EVI5L: variants seen among roughly 807,000 people sequenced by gnomAD.
The protein encoded by EVI5L is ecotropic viral integration site 5 like.
EVI5L carries 30 observed loss-of-function variants against 106.1 expected under a neutral mutation model. The observed-to-expected ratio is 0.28, with a 90% CI of 0.21 to 0.38. The LOEUF (loss-of-function observed/expected upper bound fraction) is 0.38. Among genes scored for constraint, EVI5L ranks in the 10% least tolerant of loss-of-function variants. EVI5L has a pLI of 1.00. For missense variants in EVI5L, 809 were observed against 1,098.0 expected (o/e 0.74, Z 3.72); for synonymous variants, 489 against 483.3 (o/e 1.01, Z -0.15).
chr19:7,841,063 A>C (rs1978579626), intron 1 of EVI5L, among the ~76,000 whole-genome samples: 1 of 151,968 alleles, frequency 6.6e-6, no homozygotes, highest in South Asian at 2.1e-4. Context: ...CATTTATCTC[A>C]ATCTGTGAAG....
At position 7,854,141 on chromosome 19, in the gene EVI5L, G is replaced by T. The variant is rs561215920; in HGVS notation, c.1146+808G>T. Among the ~76,000 whole-genome samples the T allele has an allele frequency of 5.3e-5, 8 of 151,900 alleles. No individual in the cohort carries two copies. The South Asian group carries it at 1.7e-3, about 32-fold the overall frequency. ...TATTAAAAATACAAAAATTAGCTGG[G>T]TGTGGTAGCACACACCTGTAATCCT... On this transcript the variant is annotated intron_variant, in intron 10 of 19. Transcript: ENST00000538904.
Position 7,850,632 on chromosome 19 carries a change from G to A in EVI5L, c.753+510G>A, listed in dbSNP as rs980079797. ...ACACGCAGACACACACACACACACC[G>A]GCCCGCCTCAGCTGCCATGGCAGGT... On this transcript the variant is annotated intron_variant, in intron 6 of 19. Coordinates refer to ENST00000538904, the MANE Select transcript of EVI5L (RefSeq NM_001159944.3). This position sits in a 1 kb window ranked among gnomAD's most constrained non-coding sequence, Gnocchi z 5.4. Among the ~76,000 whole-genome samples, 4 of 152,114 alleles carry A rather than the reference G, an allele frequency of 2.6e-5. No individual in the cohort carries two copies. Among genetic ancestry groups the A allele is most frequent in the African/African-American group, 4.8e-5 (2 of 41,472 alleles).
intron 17 of EVI5L, 129 bp downstream of exon 17, chr19:7,862,663 GC>G: frequency 1.6e-6 from 1 of 638,682 alleles, no homozygotes; most frequent in Non-Finnish European, 2.0e-6. Context: ...CGGTCCTCCC[GC>G]CCCCGCCCGC....
Position 7,856,547 on chromosome 19 carries a change from G to T in EVI5L, c.1200+479G>T, listed in dbSNP as rs1294982881. On this transcript the variant is annotated intron_variant, in intron 11 of 19. Transcript: ENST00000538904. The surrounding 1 kb of genome is among the most constrained non-coding windows in gnomAD (Gnocchi z 6.6). ...TGCTCCCCAACATGCTAAAGATGGGGGTGGAATTGGGGGCTCACTGAGCCC... is the reference window on the plus strand; with the variant it reads ...TGCTCCCCAACATGCTAAAGATGGGTGTGGAATTGGGGGCTCACTGAGCCC... 6.6e-6 allele frequency among the ~76,000 whole-genome samples: 1 copy of T among 151,968 alleles called. No homozygotes were observed. Among genetic ancestry groups the T allele is most frequent in the African/African-American group, 2.4e-5 (1 of 41,380 alleles).
rs1011484202 is a variant in EVI5L, at chr19:7,845,190, C to T, written c.-47-1306C>T. On this transcript the variant is annotated intron_variant, in intron 1 of 19. Coordinates refer to ENST00000538904, the MANE Select transcript of EVI5L (RefSeq NM_001159944.3). This position sits in a 1 kb window ranked among gnomAD's most constrained non-coding sequence, Gnocchi z 4.0. ...GCTACAGAGCGTGCCGGGCAGTGGGCGGGCATGAGGAGCCGTGCAAATAAG... is the reference window on the plus strand; with the variant it reads ...GCTACAGAGCGTGCCGGGCAGTGGGTGGGCATGAGGAGCCGTGCAAATAAG... Among the ~76,000 whole-genome samples the T allele has an allele frequency of 1.3e-5, 2 of 152,116 alleles. No homozygotes were observed. Among genetic ancestry groups the T allele is most frequent in the African/African-American group, 2.4e-5 (1 of 41,430 alleles).
At chr19:7,837,101 C>T (rs577303721) in intron 1 of EVI5L, among the ~76,000 whole-genome samples, 7 of 151,146 alleles carry the variant, frequency 4.6e-5, no homozygotes, top group Admixed American at 1.3e-4. Context: ...GAGGCTGAGG[C>T]GGGCGGATCA....
Position 7,856,031 on chromosome 19 carries a change from A to G in EVI5L, c.1163A>G (p.Asn388Ser). 1 of 1,328,824 alleles carries G rather than the reference A, an allele frequency of 7.5e-7. No homozygotes were observed. 82.3% of individuals were successfully genotyped at this position (1,328,824 alleles called of 1,614,324 possible). ...QIEIKRLRTE[N>S]RLLKQRIETL... ...CCCCCATAGAGACTTCGGACGGAGA[A>G]CCGGCTCCTGAAACAGCGGATTGAA... is the stretch of plus-strand genomic sequence containing the variant. Residue 388 changes from asparagine to serine, a missense_variant, in exon 11 of 20, where the codon AAC (asparagine) becomes AGC (serine). Physicochemically the swap from Asn to Ser is conservative, Grantham distance 46. This residue lies in a region of EVI5L where 357 missense variants were observed against 588.1 expected (regional missense o/e 0.61). Coordinates refer to ENST00000538904, the MANE Select transcript of EVI5L (RefSeq NM_001159944.3). The surrounding 1 kb of genome is among the most constrained non-coding windows in gnomAD (Gnocchi z 6.6).
rs765987593 is a variant in EVI5L, at chr19:7,846,547, C to T, written c.5C>T (p.Ala2Val). The change falls in exon 2 of 20, where the codon GCG becomes GTG. Residue 2 changes from alanine to valine, a missense_variant. Around this residue, in one of 2 missense-constraint regions of EVI5L, gnomAD observed 357 missense variants for 588.1 expected, o/e 0.61. Coordinates refer to ENST00000538904, the MANE Select transcript of EVI5L (RefSeq NM_001159944.3). M[A>V]SPTLSPDSSS... ...CGGCTAACAAGCCCACCCACCATGG[C>T]GAGCCCCACTCTGAGCCCCGACTCC... The T allele has an allele frequency of 1.9e-5, 31 of 1,608,278 alleles. No individual in the cohort carries two copies. Among genetic ancestry groups the T allele is most frequent in the South Asian group, 1.1e-5 (1 of 90,590 alleles).
chr19:7,842,130 ATG>A, intron 1 of EVI5L, among the ~76,000 whole-genome samples: 1 of 152,072 alleles, frequency 6.6e-6, no homozygotes, highest in Non-Finnish European at 1.5e-5. Context: ...GAGTGTGTGA[ATG>A]TATGTCATGT....
At chr19:7,862,944 T>G (rs1402931525) in intron 17 of EVI5L, 28 bp from the exon 18 acceptor site, 2 of 832,074 alleles carry the variant, frequency 2.4e-6, no homozygotes, top group Non-Finnish European at 3.7e-6. Context: ...TGACCCGCCC[T>G]CCTTTCCCCC....
chr19:7,841,274 C>T (rs1978588911), intron 1 of EVI5L, among the ~76,000 whole-genome samples: 1 of 152,000 alleles, frequency 6.6e-6, no homozygotes, highest in African/African-American at 2.4e-5. Context: ...GTCATTTAAG[C>T]CCCAAGAATG....
intron 8 of EVI5L, among the ~76,000 whole-genome samples, chr19:7,852,435 G>A (rs919228250): frequency 7.9e-5 from 12 of 152,112 alleles, no homozygotes; most frequent in African/African-American, 2.9e-4. Flanking sequence ...GCACAGGCCC[G>A]AGGCCCCCGG....
In EVI5L at chr19:7,863,589, C is replaced by A. The variant is rs1307212342; in HGVS notation, c.2305C>A (p.Arg769Ser). The A allele has an allele frequency of 3.2e-6, 5 of 1,585,638 alleles. No individual in the cohort carries two copies. The East Asian group carries it at 6.9e-5, about 22-fold the overall frequency. The change falls in exon 20 of 20, where the codon CGC becomes AGC. Residue 769 changes from arginine (R) to serine (S), a missense_variant. Coordinates refer to ENST00000538904, the MANE Select transcript of EVI5L (RefSeq NM_001159944.3). This position sits in a 1 kb window ranked among gnomAD's most constrained non-coding sequence, Gnocchi z 7.7. ...LQDALYPLSP[R>S]DARFFRRLER... ...GGACGCATTGTACCCTCTGTCCCCG[C>A]GCGATGCGCGCTTCTTCCGCCGTCT...
At chr19:7,852,119 C>A (rs12973105) in intron 8 of EVI5L, among the ~76,000 whole-genome samples, 2 of 152,028 alleles carry the variant, frequency 1.3e-5, no homozygotes, top group African/African-American at 2.4e-5. Flanking sequence ...GCATCCCCAC[C>A]CTGCCGCCCA....
In EVI5L at chr19:7,863,636, C is replaced by T; in HGVS notation, c.2352C>T (p.Ser784=). 6.5e-7 allele frequency: 1 copy of T among 1,547,924 alleles called. No homozygotes were observed. ...GTCTGGAGCGGCCGGCCAAGGACAG[C>T]GAGGGCAGCTCAGACAGCGACGCCG... ...FRRLERPAKD[S]EGSSDSDADE... is the part of the protein sequence containing the mutation. Residue 784 remains serine (S), a synonymous_variant, in exon 20 of 20, where the codon AGC becomes AGT. Coordinates refer to ENST00000538904, the MANE Select transcript of EVI5L (RefSeq NM_001159944.3). The surrounding 1 kb of genome is among the most constrained non-coding windows in gnomAD (Gnocchi z 7.7).
chr19:7,862,899 G>C, intron 17 of EVI5L, 73 bp from the exon 18 acceptor site: 1 of 1,114,668 alleles, frequency 9.0e-7, no homozygotes. Flanking sequence ...ATTCGCCCCT[G>C]CCCGCGGTCC....
At position 7,863,553 on chromosome 19, in the gene EVI5L, G is replaced by A. The variant is rs1979964116; in HGVS notation, c.2269G>A (p.Ala757Thr). The A allele has an allele frequency of 1.2e-5, 19 of 1,599,894 alleles. No individual in the cohort carries two copies. The highest frequency in any genetic ancestry group is 1.6e-5 in the Non-Finnish European group (19 of 1,174,256). ...GGAGCTACTTGGCGTAGGCGTGGGC[G>A]CTGCCCTGCAGGACGCATTGTACCC... ...DEELLGVGVG[A>T]ALQDALYPLS... The change falls in exon 20 of 20, where the codon GCT becomes ACT. Residue 757 changes from alanine (A) to threonine (T), a missense_variant. Ala to Thr is a moderately conservative substitution (Grantham distance 58). Transcript: ENST00000538904. The surrounding 1 kb of genome is among the most constrained non-coding windows in gnomAD (Gnocchi z 7.7).
Position 7,860,681 on chromosome 19 carries a change from A to G in EVI5L, c.1495A>G (p.Met499Val). ...GGAGATGCAGGACAAGGTTCTCGAC[A>G]TGGAAAAGGTGCAATGGGGAGGCAG... ...LREMQDKVLD[M>V]EKRNSSLPDE... Residue 499 changes from methionine (M) to valine (V), a missense_variant, in exon 14 of 20, where the codon ATG becomes GTG. Physicochemically the swap from Met to Val is conservative, Grantham distance 21. Around this residue, in one of 2 missense-constraint regions of EVI5L, gnomAD observed 452 missense variants for 509.9 expected, o/e 0.89. Transcript: ENST00000538904. 1.9e-6 allele frequency: 3 copies of G among 1,585,634 alleles called. No individual in the cohort carries two copies. The highest frequency in any genetic ancestry group is 2.3e-5 in the East Asian group (1 of 43,544).
Position 7,856,174 on chromosome 19 carries a change from T to A in EVI5L, c.1200+106T>A. The stretch of plus-strand genomic sequence containing the variant: ...GGACTCCTCCAAGTCTTCTCCTCTC[T>A]GGAGGACTAAGCAGCCCTACCTTCC... On this transcript the variant is annotated intron_variant, in intron 11 of 19. Transcript: ENST00000538904. The surrounding 1 kb of genome is among the most constrained non-coding windows in gnomAD (Gnocchi z 6.6). 8.9e-7 allele frequency: 1 copy of A among 1,124,438 alleles called. No homozygotes were observed. The highest frequency in any genetic ancestry group is 1.2e-6 in the Non-Finnish European group (1 of 860,698). The allele number at this position is 1,124,438 out of a possible 1,614,324, so 69.7% of individuals were successfully genotyped here. A position where few individuals can be genotyped will look rare whatever the true frequency, so the allele number is the denominator to read the frequency against.
Sources: gnomAD v4.1 joint callset for allele counts (sites outside exome capture counted in the v4.1 genomes callset) on GRCh38, gnomAD v4.1.1 for gene constraint, gnomAD v4.1.1 regional missense constraint, Gnocchi (gnomAD v3.1) non-coding constraint, MANE v1.5 for transcripts, NCBI Gene and HGNC (gene_info 2026-07-23, HGNC 2026-07-21) for gene names.